Variants in PDE4D observed in about 807,000 individuals in gnomAD.
PDE4D encodes 3',5'-cyclic-AMP phosphodiesterase 4D.
PDE4D carries 24 observed loss-of-function variants against 87.4 expected under a neutral mutation model. The ratio of observed to expected loss-of-function variants is 0.27; its 90% confidence interval spans 0.20 to 0.39. The LOEUF (loss-of-function observed/expected upper bound fraction) is 0.39, where lower values mean the gene tolerates loss of function less well. Ranked by LOEUF, PDE4D falls within the 10% of genes least tolerant of loss-of-function variation. The probability of loss-of-function intolerance (pLI) is 1.00; values close to 1 mark genes in which losing one functional copy is unlikely to be tolerated. For missense variants in PDE4D, 714 were observed against 1,041.0 expected, an observed-to-expected ratio of 0.69 and a Z score of 4.32; for synonymous variants, 384 against 383.2, an observed-to-expected ratio of 1.00 and a Z score of -0.02.
rs573226685 is a variant in PDE4D at position 59,921,473 on chromosome 5, T to C, written c.272+67015A>G. Reference sequence around the variant, plus strand: ...GTGCCAGATACGCAATATTGATTTATAGAAAAAAAACATGGACTATTAAAT... The same window carrying C: ...GTGCCAGATACGCAATATTGATTTACAGAAAAAAAACATGGACTATTAAAT... On this transcript the variant is annotated intron_variant, in intron 3 of 16. Transcript: ENST00000502484. Among the ~76,000 whole-genome samples, 34 of 152,260 alleles carry C rather than the reference T, an allele frequency of 2.2e-4. No individual in the cohort carries two copies. In the South Asian group the frequency reaches 6.8e-3, roughly 31 times the overall value.
At chr5:60,380,024 A>T (rs1761735672) in intron 1 of PDE4D, among the ~76,000 whole-genome samples, 1 of 152,246 alleles carries the variant, frequency 6.6e-6, no homozygotes, top group Non-Finnish European at 1.5e-5. Flanking sequence ...AAGTATGAGC[A>T]AAGGTATAAA....
At chr5:59,466,087 G>T (rs1471362619) in intron 1 of PDE4D, among the ~76,000 whole-genome samples, 6 of 152,116 alleles carry the variant, frequency 3.9e-5, no homozygotes, top group African/African-American at 1.4e-4. Flanking sequence ...ACTTTTGAAT[G>T]CTGGCTCTAG....
chr5:59,462,126 A>G (rs1040536022), intron 1 of PDE4D, among the ~76,000 whole-genome samples: 13 of 152,228 alleles, frequency 8.5e-5, no homozygotes, highest in South Asian at 4.2e-4. Context: ...CAAAGCAGTG[A>G]TTTTATAATC....
intron 2 of PDE4D, among the ~76,000 whole-genome samples, chr5:60,132,944 T>C (rs2149401709): frequency 6.6e-6 from 1 of 152,316 alleles, no homozygotes; most frequent in South Asian, 2.1e-4. Context: ...CATATCCCTG[T>C]TGTCTAAATG....
chr5:59,956,463 T>C (rs754167189), intron 3 of PDE4D, among the ~76,000 whole-genome samples: 1 of 152,112 alleles, frequency 6.6e-6, no homozygotes, highest in Non-Finnish European at 1.5e-5. Context: ...AGCACCCACA[T>C]ACTCATTGTG....
intron 1 of PDE4D, among the ~76,000 whole-genome samples, chr5:59,872,300 C>CACA (rs10693446): frequency 0.066 from 9,718 of 146,924 alleles, 927 homozygotes; most frequent in African/African-American, 0.22. Context: ...CACACACACA[C>CACA]AAGAGCACAC....
chr5:59,765,627 T>C (rs571246147), intron 1 of PDE4D, among the ~76,000 whole-genome samples: 37 of 152,294 alleles, frequency 2.4e-4, no homozygotes, highest in African/African-American at 8.7e-4. Flanking sequence ...TCCTCTTTCA[T>C]GGTCTTTCTC....
intron 1 of PDE4D, among the ~76,000 whole-genome samples, chr5:60,480,363 TTTGAAATTAATATA>T (rs1345310711): frequency 6.6e-6 from 1 of 152,126 alleles, no homozygotes; most frequent in Non-Finnish European, 1.5e-5. Context: ...TCGAAGCAAT[TTTGAAATTAATATA>T]CGTAAAATGT....
chr5:59,369,832 C>A (rs1187420048), intron 1 of PDE4D, among the ~76,000 whole-genome samples: 1 of 152,126 alleles, frequency 6.6e-6, no homozygotes, highest in Non-Finnish European at 1.5e-5. Flanking sequence ...GGAAATGGGG[C>A]AGCACTCCAA....
At chr5:59,761,040 A>G (rs1761899349) in intron 1 of PDE4D, among the ~76,000 whole-genome samples, 1 of 152,218 alleles carries the variant, frequency 6.6e-6, no homozygotes, top group South Asian at 2.1e-4. Flanking sequence ...GTGTACTTAC[A>G]CAAACCTAGA....
At chr5:59,919,159 G>C (rs936754888) in intron 3 of PDE4D, among the ~76,000 whole-genome samples, 2 of 152,086 alleles carry the variant, frequency 1.3e-5, no homozygotes, top group Admixed American at 1.3e-4. Flanking sequence ...GATAACAGTT[G>C]GATAGACTCA....
At chr5:59,265,487 A>C (rs1421343807) in intron 1 of PDE4D, among the ~76,000 whole-genome samples, 2 of 152,036 alleles carry the variant, frequency 1.3e-5, no homozygotes, top group Non-Finnish European at 2.9e-5. Flanking sequence ...AACCCTTACA[A>C]AATGAATCAG....
intron 5 of PDE4D, chr5:59,039,933 C>T (rs368611237): frequency 2.0e-5 from 3 of 152,360 alleles, no homozygotes; most frequent in East Asian, 1.9e-4. Flanking sequence ...GGGACCGGCA[C>T]GCAGGCGCGC....
At chr5:59,052,966 C>T (rs75280410) in intron 5 of PDE4D, among the ~76,000 whole-genome samples, 4,831 of 151,866 alleles carry the variant, frequency 0.032, 131 homozygotes, top group Admixed American at 0.058. Context: ...TTTTTTAAAA[C>T]ATGGTCAAAA....
upstream of PDE4D, among the ~76,000 whole-genome samples, chr5:60,492,838 C>T (rs1749603992): frequency 6.7e-6 from 1 of 150,304 alleles, no homozygotes; most frequent in Non-Finnish European, 1.5e-5. Flanking sequence ...ACATGTATGC[C>T]TATGTAACAA....
intron 1 of PDE4D, among the ~76,000 whole-genome samples, chr5:59,636,650 G>C (rs954133458): frequency 6.6e-6 from 1 of 152,124 alleles, no homozygotes; most frequent in African/African-American, 2.4e-5. Context: ...ACAAGCAATG[G>C]GGAATGGATT....
rs114465348 is a variant in PDE4D at position 60,065,222 on chromosome 5, G to T, written c.43-76505C>A. On this transcript the variant is annotated intron_variant, in intron 2 of 16. Coordinates refer to the PDE4D transcript ENST00000502484. The stretch of plus-strand genomic sequence containing the variant: ...GCAAGATAGAATCTATGTTTAATCA[G>T]ATTCCTTAGTAGCTAGGCTATTGCA... Among the ~76,000 whole-genome samples, 1,103 of 151,984 alleles carry T rather than the reference G, an allele frequency of 7.3e-3. 11 individuals carry two copies. The highest frequency in any genetic ancestry group is 0.025 in the African/African-American group (1,051 of 41,476).
At chr5:60,166,591 TTAGAG>T (rs1226814400) in intron 2 of PDE4D, among the ~76,000 whole-genome samples, 2 of 152,226 alleles carry the variant, frequency 1.3e-5, no homozygotes. Flanking sequence ...CATTACAATA[TTAGAG>T]TATTCTAAAT....
At chr5:59,991,872 T>C (rs529801795) in intron 2 of PDE4D, among the ~76,000 whole-genome samples, 118 of 152,322 alleles carry the variant, frequency 7.7e-4, no homozygotes, top group Non-Finnish European at 1.5e-3. Context: ...GTCAACTTGA[T>C]TGGATTGAAG....
Sources: allele counts gnomAD v4.1 joint callset (sites outside exome capture counted in the v4.1 genomes callset), GRCh38; gene constraint gnomAD v4.1.1; transcripts MANE v1.5; gene names NCBI Gene and HGNC (gene_info 2026-07-23, HGNC 2026-07-21).